TMEM178B: variants seen among roughly 807,000 people sequenced by gnomAD.
TMEM178B encodes the protein transmembrane protein 178B.
In TMEM178B, 5 loss-of-function variants were observed where a neutral mutation model predicts 31.0. That is an observed-to-expected ratio of 0.16 (90% CI 0.08 to 0.34). The LOEUF (loss-of-function observed/expected upper bound fraction) is 0.34, where lower values mean the gene tolerates loss of function less well. TMEM178B is among the 10% of genes least tolerant of loss of function. The probability of loss-of-function intolerance (pLI) is 1.00; values close to 1 mark genes in which losing one functional copy is unlikely to be tolerated. For missense variants in TMEM178B, 275 were observed against 400.3 expected (o/e 0.69, Z 2.67); for synonymous variants, 164 against 164.0 (o/e 1.00, Z 0.00).
intron 2 of TMEM178B, among the ~76,000 whole-genome samples, chr7:141,388,348 C>T (rs1186791633): frequency 1.3e-5 from 2 of 152,208 alleles, no homozygotes; most frequent in Non-Finnish European, 2.9e-5. Flanking sequence ...ACGCTTTCTA[C>T]TCAAAGAAGA....
In TMEM178B at chr7:141,445,443, A is replaced by C. The variant is rs556846763; in HGVS notation, c.634+7698A>C. ...CAGGTTTCCCCACCAGCCTTTCCCC[A>C]CTGTTATTCCTAGCTTGCTGTACTT... On this transcript the variant is annotated intron_variant, in intron 3 of 3. Coordinates refer to ENST00000565468, the MANE Select transcript of TMEM178B (RefSeq NM_001195278.2). 1.6e-4 allele frequency among the ~76,000 whole-genome samples: 24 copies of C among 152,314 alleles called. No homozygotes were observed. In the South Asian group the frequency reaches 5.0e-3, roughly 32 times the overall value.
chr7:141,480,299 G>C lies in TMEM178B; in HGVS notation c.*9513G>C, dbSNP rs1802450063. Reference sequence around the variant, plus strand: ...GTAATTAATTAAATGACTTGTTCATGGAAAAAATAAATAATCTGTCAGTTG... The same window carrying C: ...GTAATTAATTAAATGACTTGTTCATCGAAAAAATAAATAATCTGTCAGTTG... On this transcript the variant is annotated 3_prime_UTR_variant, in exon 4 of 4. Transcript: ENST00000565468. 6.6e-6 allele frequency: 1 copy of C among 152,036 alleles called. No individual in the cohort carries two copies. The highest frequency in any genetic ancestry group is 1.5e-5 in the Non-Finnish European group (1 of 68,010). The allele number at this position is 152,036 out of a possible 1,614,324, so 9.4% of individuals were successfully genotyped here. A position where few individuals can be genotyped will look rare whatever the true frequency, so the allele number is the denominator to read the frequency against.
intron 3 of TMEM178B, among the ~76,000 whole-genome samples, chr7:141,468,882 A>G (rs1204003729): frequency 1.3e-5 from 2 of 152,198 alleles, no homozygotes; most frequent in South Asian, 2.1e-4. Flanking sequence ...CGTCTGATAC[A>G]TAGGGCTCAA....
chr7:141,254,109 C>A (rs957287786), intron 2 of TMEM178B, among the ~76,000 whole-genome samples: 9 of 152,184 alleles, frequency 5.9e-5, no homozygotes, highest in African/African-American at 1.7e-4. Flanking sequence ...AGAAGAGAAT[C>A]TTCCCGGTGG....
At chr7:141,133,118 A>C (rs1795619739) in intron 1 of TMEM178B, among the ~76,000 whole-genome samples, 1 of 152,216 alleles carries the variant, frequency 6.6e-6, no homozygotes, top group South Asian at 2.1e-4. Flanking sequence ...ATAAAATTGG[A>C]AGAAGCAACT....
At chr7:141,291,074 A>G (rs993163880) in intron 2 of TMEM178B, among the ~76,000 whole-genome samples, 2 of 152,202 alleles carry the variant, frequency 1.3e-5, no homozygotes, top group African/African-American at 4.8e-5. Flanking sequence ...GCAGGAATCT[A>G]TTTGATGTTC....
chr7:141,363,646 G>A (rs775318416), intron 2 of TMEM178B, among the ~76,000 whole-genome samples: 3 of 152,130 alleles, frequency 2.0e-5, no homozygotes, highest in Non-Finnish European at 4.4e-5. Context: ...TCTGTCCTTC[G>A]TTTATCTTCA....
At chr7:141,076,477 T>A (rs1010193936) in intron 1 of TMEM178B, among the ~76,000 whole-genome samples, 1 of 152,142 alleles carries the variant, frequency 6.6e-6, no homozygotes. Context: ...CCTTCTTGTG[T>A]TGGTTAACCC....
intron 2 of TMEM178B, among the ~76,000 whole-genome samples, chr7:141,424,305 C>T (rs1460380492): frequency 6.6e-6 from 1 of 152,232 alleles, no homozygotes; most frequent in African/African-American, 2.4e-5. Flanking sequence ...TCCTGGCAAT[C>T]AGCCAGTGTT....
chr7:141,493,651 C>T, the TMEM178B span, among the ~76,000 whole-genome samples: 78 of 152,270 alleles, frequency 5.1e-4, no homozygotes, highest in Non-Finnish European at 9.1e-4. Context: ...CATCACCTTC[C>T]GCTGCCCTGA....
Position 141,375,535 on chromosome 7 carries a change from T to C in TMEM178B, c.497-62073T>C, listed in dbSNP as rs1330876018. Among the ~76,000 whole-genome samples the C allele has an allele frequency of 2.0e-5, 3 of 152,248 alleles. No homozygotes were observed. The East Asian group carries it at 5.8e-4, about 29-fold the overall frequency. On this transcript the variant is annotated intron_variant, in intron 2 of 3. Coordinates refer to ENST00000565468, the MANE Select transcript of TMEM178B (RefSeq NM_001195278.2). ...GTTAGAAGCAAACTGCATTACATCC[T>C]GTTTCTTATTATAGTAGTAGGTAAT...
At chr7:141,409,092 A>G (rs926693480) in intron 2 of TMEM178B, among the ~76,000 whole-genome samples, 1 of 152,218 alleles carries the variant, frequency 6.6e-6, no homozygotes, top group African/African-American at 2.4e-5. Flanking sequence ...GTGGGGAGCC[A>G]CTGAAGGAGT....
intron 1 of TMEM178B, among the ~76,000 whole-genome samples, chr7:141,129,992 A>C (rs1307549408): frequency 6.6e-6 from 1 of 152,198 alleles, no homozygotes; most frequent in Non-Finnish European, 1.5e-5. Flanking sequence ...TTGAAGTTTC[A>C]AGTCTCATAG....
At chr7:141,100,262 C>T (rs951679616) in intron 1 of TMEM178B, among the ~76,000 whole-genome samples, 1 of 151,200 alleles carries the variant, frequency 6.6e-6, no homozygotes, top group Admixed American at 6.6e-5. Flanking sequence ...GGTTGGGCCA[C>T]GTATTCTATA....
intron 2 of TMEM178B, among the ~76,000 whole-genome samples, chr7:141,245,719 A>G (rs912737840): frequency 1.3e-5 from 2 of 152,190 alleles, no homozygotes; most frequent in African/African-American, 4.8e-5. Context: ...GGAATTGGGA[A>G]TGCCTATAGA....
At chr7:141,487,736 C>T in the TMEM178B span, among the ~76,000 whole-genome samples, 5 of 105,596 alleles carry the variant, frequency 4.7e-5, no homozygotes, top group Admixed American at 1.2e-4. Flanking sequence ...AGTAAGACTC[C>T]GTCTCAAAAA....
chr7:141,253,766 G>A (rs1259460081), intron 2 of TMEM178B, among the ~76,000 whole-genome samples: 1 of 151,730 alleles, frequency 6.6e-6, no homozygotes, highest in Non-Finnish European at 1.5e-5. Context: ...TGGCCAGGCT[G>A]GTCTCCAACT....
intron 1 of TMEM178B, among the ~76,000 whole-genome samples, chr7:141,076,814 G>A (rs491554): frequency 0.66 from 100,740 of 152,026 alleles, 34,485 homozygotes; most frequent in Admixed American, 0.77. Context: ...TAATGGAAAT[G>A]GTGTTCCCCA....
At chr7:141,159,248 A>G (rs1431096004) in intron 1 of TMEM178B, among the ~76,000 whole-genome samples, 1 of 152,034 alleles carries the variant, frequency 6.6e-6, no homozygotes, top group Admixed American at 6.5e-5. Flanking sequence ...TGCTCCCACA[A>G]TCTATCCTAT....
Sources: gnomAD v4.1 joint callset for allele counts (sites outside exome capture counted in the v4.1 genomes callset) on GRCh38, gnomAD v4.1.1 for gene constraint, MANE v1.5 for transcripts, NCBI Gene and HGNC (gene_info 2026-07-23, HGNC 2026-07-21) for gene names.